Variants in GRID2 observed in about 807,000 individuals in gnomAD.
GRID2 encodes the protein glutamate ionotropic receptor delta type subunit 2, also known as glutamate receptor ionotropic, delta-2.
Under a neutral mutation model 114.8 loss-of-function variants are expected in GRID2, and 33 were observed. The observed-to-expected ratio is 0.29, with a 90% CI of 0.22 to 0.38. The LOEUF (loss-of-function observed/expected upper bound fraction) is 0.38. GRID2 is among the 10% of genes least tolerant of loss of function. GRID2 has a pLI of 1.00. For synonymous variants in GRID2, 505 were observed against 449.9 expected, an observed-to-expected ratio of 1.12 and a Z score of -1.55; for missense variants, 1,184 against 1,257.7, an observed-to-expected ratio of 0.94 and a Z score of 0.89.
At chr4:93,045,599 G>T (rs896498413) in intron 2 of GRID2, among the ~76,000 whole-genome samples, 3 of 152,064 alleles carry the variant, frequency 2.0e-5, no homozygotes, top group Admixed American at 2.0e-4. Context: ...AAATATGGGG[G>T]TAATAATTCA....
chr4:92,855,104 T>A (rs747777951), intron 2 of GRID2, among the ~76,000 whole-genome samples: 1 of 152,086 alleles, frequency 6.6e-6, no homozygotes, highest in African/African-American at 2.4e-5. Context: ...GAATTAATTG[T>A]AAGCCTTTTG....
intron 13 of GRID2, among the ~76,000 whole-genome samples, chr4:93,535,231 TACAC>T (rs141785727): frequency 0.11 from 15,693 of 142,016 alleles, 1,347 homozygotes; most frequent in African/African-American, 0.25. Context: ...CACATACACA[TACAC>T]ACACACACAC....
chr4:93,795,733 T>C (rs1417552042), intron 1 of GRID2, among the ~76,000 whole-genome samples: 1 of 152,238 alleles, frequency 6.6e-6, no homozygotes, highest in East Asian at 1.9e-4. Flanking sequence ...CAACGTTATT[T>C]ACACAGGAAT....
chr4:93,674,690 T>C (rs995336740), intron 14 of GRID2, among the ~76,000 whole-genome samples: 5 of 152,038 alleles, frequency 3.3e-5, no homozygotes, highest in African/African-American at 1.2e-4. Context: ...ACATAAGAAA[T>C]TTAATTATTT....
intron 2 of GRID2, among the ~76,000 whole-genome samples, chr4:92,860,949 A>C (rs1208042131): frequency 1.3e-5 from 2 of 152,250 alleles, no homozygotes; most frequent in African/African-American, 2.4e-5. Context: ...GTAGATGTGC[A>C]TAAAGACACT....
chr4:92,424,589 T>A (rs112082734), intron 1 of GRID2, among the ~76,000 whole-genome samples: 3 of 152,112 alleles, frequency 2.0e-5, no homozygotes, highest in African/African-American at 7.2e-5. Flanking sequence ...TAGGAATAAC[T>A]ATAAAACATC....
In GRID2 at chr4:93,275,161, T is replaced by TATG. The variant is rs1397248918; in HGVS notation, c.1245+36674_1245+36676dup. On this transcript the variant is annotated intron_variant, in intron 8 of 15. Coordinates refer to ENST00000282020, the MANE Select transcript of GRID2 (RefSeq NM_001510.4). ...TAGACATTTCACATAAAGGGAAACA[T>TATG]ATGATATGTGATCTTTGTAACTGGC... Among the ~76,000 whole-genome samples the TATG allele has an allele frequency of 2.0e-5, 3 of 152,086 alleles. No homozygotes were observed. In the East Asian group the frequency reaches 5.8e-4, roughly 29 times the overall value.
At chr4:93,608,448 C>T (rs1231080616) in intron 13 of GRID2, among the ~76,000 whole-genome samples, 1 of 144,388 alleles carries the variant, frequency 6.9e-6, no homozygotes, top group Non-Finnish European at 1.5e-5. Flanking sequence ...TCTCCCAATG[C>T]TATCCCTCCT....
At chr4:92,462,478 A>G (rs1446447297) in intron 1 of GRID2, among the ~76,000 whole-genome samples, 2 of 152,032 alleles carry the variant, frequency 1.3e-5, no homozygotes, top group Admixed American at 1.3e-4. Context: ...AAGCAAAAAT[A>G]TATTTTGCCT....
At chr4:93,151,511 A>G (rs1353211920) in intron 4 of GRID2, among the ~76,000 whole-genome samples, 1 of 151,698 alleles carries the variant, frequency 6.6e-6, no homozygotes, top group African/African-American at 2.4e-5. Context: ...CTATGTGATA[A>G]AGTCAGCCAG....
chr4:92,489,020 A>G (rs1026251122), intron 1 of GRID2, among the ~76,000 whole-genome samples: 2 of 152,170 alleles, frequency 1.3e-5, no homozygotes, highest in Non-Finnish European at 2.9e-5. Flanking sequence ...TATTGCTGTG[A>G]TGATTATATT....
chr4:93,469,355 T>A, intron 11 of GRID2, among the ~76,000 whole-genome samples: 1 of 152,190 alleles, frequency 6.6e-6, no homozygotes, highest in East Asian at 1.9e-4. Flanking sequence ...CTACATCAAA[T>A]CAATCTACTA....
intron 2 of GRID2, among the ~76,000 whole-genome samples, chr4:92,737,430 A>C (rs771860716): frequency 4.6e-5 from 7 of 152,088 alleles, no homozygotes; most frequent in Non-Finnish European, 7.4e-5. Flanking sequence ...ATACCAAAAC[A>C]AGCTACTAAG....
chr4:92,918,318 C>G (rs1017847950), intron 2 of GRID2, among the ~76,000 whole-genome samples: 3 of 152,146 alleles, frequency 2.0e-5, no homozygotes, highest in African/African-American at 7.2e-5. Flanking sequence ...TTGACTTCCT[C>G]TTTTCCTAAT....
Position 93,374,422 on chromosome 4 carries a change from G to T in GRID2, c.1246-21185G>T, listed in dbSNP as rs78518352. On this transcript the variant is annotated intron_variant, in intron 8 of 15. Transcript: ENST00000282020. Reference sequence around the variant, plus strand: ...CAAAGGAATAATTGGTGGATAGGCTGAGGAAATGGTACAGTAAGAAATTGT... The same window carrying T: ...CAAAGGAATAATTGGTGGATAGGCTTAGGAAATGGTACAGTAAGAAATTGT... Among the ~76,000 whole-genome samples the T allele has an allele frequency of 7.7e-3, 1,177 of 152,266 alleles. 13 individuals are homozygous for T. Among genetic ancestry groups the T allele is most frequent in the African/African-American group, 0.027 (1,131 of 41,564 alleles).
At chr4:93,338,501 G>T (rs781722283) in intron 8 of GRID2, among the ~76,000 whole-genome samples, 1 of 151,844 alleles carries the variant, frequency 6.6e-6, no homozygotes, top group Non-Finnish European at 1.5e-5. Flanking sequence ...AACAGTAAAA[G>T]GTAGTAAAGT....
intron 4 of GRID2, among the ~76,000 whole-genome samples, chr4:93,168,255 G>C (rs1738451059): frequency 6.6e-6 from 1 of 150,780 alleles, no homozygotes; most frequent in African/African-American, 2.4e-5. Flanking sequence ...GGAAAGGAAA[G>C]GGGAAGAAAG....
intron 8 of GRID2, among the ~76,000 whole-genome samples, chr4:93,293,212 T>C (rs1172903376): frequency 6.6e-6 from 1 of 152,142 alleles, no homozygotes; most frequent in Non-Finnish European, 1.5e-5. Context: ...TTCATTCAAT[T>C]AACACTGGAG....
intron 2 of GRID2, among the ~76,000 whole-genome samples, chr4:92,673,864 T>C (rs1420960049): frequency 1.3e-5 from 2 of 152,016 alleles, no homozygotes; most frequent in Non-Finnish European, 2.9e-5. Flanking sequence ...TTAGGAGATA[T>C]ACCTAATGTG....
Sources: allele counts gnomAD v4.1 joint callset (sites outside exome capture counted in the v4.1 genomes callset), GRCh38; gene constraint gnomAD v4.1.1; transcripts MANE v1.5; gene names NCBI Gene and HGNC (gene_info 2026-07-23, HGNC 2026-07-21).